Variants in SLC7A14 observed in about 807,000 individuals in gnomAD.
SLC7A14 encodes solute carrier family 7 member 14, also known as gamma-aminobutyric acid transporter SLC7A14.
Under a neutral mutation model 60.2 loss-of-function variants are expected in SLC7A14, and 37 were observed. That is an observed-to-expected ratio of 0.61 (90% CI 0.47 to 0.81). The LOEUF is 0.81. SLC7A14 is among the 30% of genes least tolerant of loss of function. SLC7A14 has a pLI of 0.00. For missense variants in SLC7A14, 886 were observed against 982.7 expected (o/e 0.90, Z 1.32); for synonymous variants, 399 against 395.8 (o/e 1.01, Z -0.10).
chr3:170,531,419 T>A (rs1713677306), intron 1 of SLC7A14, among the ~76,000 whole-genome samples: 1 of 151,862 alleles, frequency 6.6e-6, no homozygotes, highest in South Asian at 2.1e-4. Context: ...AAGTGATGGC[T>A]TCTATTTGCA....
chr3:170,486,479 G>T, intron 4 of SLC7A14, 111 bp from the exon 5 acceptor site: 1 of 1,366,336 alleles, frequency 7.3e-7, no homozygotes. Context: ...AGTGGCTGAG[G>T]GAGTAACATG....
chr3:170,488,129 C>A (rs551064869), intron 4 of SLC7A14, among the ~76,000 whole-genome samples: 1 of 152,060 alleles, frequency 6.6e-6, no homozygotes, highest in South Asian at 2.1e-4. Flanking sequence ...CCTTTGAATT[C>A]GTGTGTAATT....
chr3:170,467,447 C>G, intron 7 of SLC7A14, 70 bp from the exon 8 acceptor site: 1 of 974,772 alleles, frequency 1.0e-6, no homozygotes, highest in South Asian at 3.0e-5. Context: ...GCAGAGAGAT[C>G]ACCTTCAGTG....
chr3:170,482,638 T>C (rs958031771), intron 6 of SLC7A14, among the ~76,000 whole-genome samples: 1 of 152,152 alleles, frequency 6.6e-6, no homozygotes, highest in African/African-American at 2.4e-5. Context: ...TGCCAATATA[T>C]TGGTGTGGTT....
intron 1 of SLC7A14, among the ~76,000 whole-genome samples, chr3:170,575,886 A>G (rs769103888): frequency 3.9e-5 from 6 of 152,208 alleles, no homozygotes. Flanking sequence ...TCCCTGTTCA[A>G]AGGATAAGCC....
rs1261207133 is a variant in SLC7A14, at chr3:170,532,666, C to T, written c.-152-5578G>A. ...GCATCACCCTGCTGTGGCCCCTGAC[C>T]AGGTGTTTTTTTTTTTTTGTTGTTG... On this transcript the variant is annotated intron_variant, in intron 1 of 7. Transcript: ENST00000231706. This position sits in a 1 kb window ranked among gnomAD's most constrained non-coding sequence, Gnocchi z 4.0. Among the ~76,000 whole-genome samples, 1 of 151,244 alleles carries T rather than the reference C, an allele frequency of 6.6e-6. No individual in the cohort carries two copies. The highest frequency in any genetic ancestry group is 1.5e-5 in the Non-Finnish European group (1 of 67,972).
At chr3:170,552,151 C>A (rs908176037) in intron 1 of SLC7A14, among the ~76,000 whole-genome samples, 1 of 151,994 alleles carries the variant, frequency 6.6e-6, no homozygotes, top group Non-Finnish European at 1.5e-5. Flanking sequence ...GGACTCAGCA[C>A]CATTTGTTGA....
Position 170,466,024 on chromosome 3 carries a change from A to G in SLC7A14, c.*1031T>C, listed in dbSNP as rs1393475097. ...GTGATCTCATGGAATGCAACTACCT[A>G]AGTCGCTATACTTCAGCCTATTTTG... On this transcript the variant is annotated 3_prime_UTR_variant, in exon 8 of 8. Coordinates refer to ENST00000231706, the MANE Select transcript of SLC7A14 (RefSeq NM_020949.3). The G allele has an allele frequency of 1.3e-5, 2 of 152,216 alleles. No homozygotes were observed. Among genetic ancestry groups the G allele is most frequent in the Non-Finnish European group, 2.9e-5 (2 of 68,048 alleles). The allele number at this position is 152,216 out of a possible 1,614,324, so 9.4% of individuals were successfully genotyped here. A position where few individuals can be genotyped will look rare whatever the true frequency, so the allele number is the denominator to read the frequency against.
intron 2 of SLC7A14, among the ~76,000 whole-genome samples, chr3:170,505,017 C>T (rs758454556): frequency 6.6e-6 from 1 of 152,100 alleles, no homozygotes; most frequent in Non-Finnish European, 1.5e-5. Context: ...CTGCTGATGG[C>T]CCCAGTGGAC....
chr3:170,493,105 A>G (rs1478129842), intron 4 of SLC7A14, among the ~76,000 whole-genome samples: 1 of 152,248 alleles, frequency 6.6e-6, no homozygotes, highest in Non-Finnish European at 1.5e-5. Flanking sequence ...AAGAAAAACT[A>G]TAAGATAGTA....
At chr3:170,558,357 C>T (rs1255691835) in intron 1 of SLC7A14, among the ~76,000 whole-genome samples, 3 of 152,166 alleles carry the variant, frequency 2.0e-5, no homozygotes, top group Non-Finnish European at 4.4e-5. Context: ...GCACTCCAGC[C>T]TGGGTGACAG....
intron 1 of SLC7A14, chr3:170,570,344 A>T (rs565744134): frequency 1.3e-5 from 2 of 152,290 alleles, no homozygotes; most frequent in African/African-American, 4.8e-5. Context: ...GCTAGTCCGG[A>T]GGCTGAGGTG....
At chr3:170,561,732 A>G (rs1375191082) in intron 1 of SLC7A14, among the ~76,000 whole-genome samples, 6 of 152,214 alleles carry the variant, frequency 3.9e-5, no homozygotes, top group African/African-American at 1.2e-4. Flanking sequence ...AATCTTCACA[A>G]TCTATACACC....
chr3:170,491,877 A>G (rs1405669624), intron 4 of SLC7A14, among the ~76,000 whole-genome samples: 1 of 152,232 alleles, frequency 6.6e-6, no homozygotes, highest in Non-Finnish European at 1.5e-5. Context: ...CAAATGGAGA[A>G]GAAAGACCAA....
At chr3:170,544,046 G>A (rs1020957007) in intron 1 of SLC7A14, among the ~76,000 whole-genome samples, 3 of 151,944 alleles carry the variant, frequency 2.0e-5, no homozygotes, top group Non-Finnish European at 4.4e-5. Flanking sequence ...CCACACCCGG[G>A]CCTGCATTTT....
At chr3:170,549,238 CG>C (rs1560277261) in intron 1 of SLC7A14, among the ~76,000 whole-genome samples, 2 of 124,882 alleles carry the variant, frequency 1.6e-5, no homozygotes, top group African/African-American at 6.9e-5. Context: ...TTTTTTGAGA[CG>C]GAGTCTTGCT....
chr3:170,526,439 A>T (rs1234445413), intron 2 of SLC7A14, among the ~76,000 whole-genome samples, 194 bp downstream of exon 2: 2 of 152,126 alleles, frequency 1.3e-5, no homozygotes, highest in Admixed American at 6.5e-5. Flanking sequence ...AAGAAAAAAA[A>T]AAAAGGAAGC....
At chr3:170,583,933 G>A (rs1388276931) in intron 1 of SLC7A14, among the ~76,000 whole-genome samples, 1 of 152,152 alleles carries the variant, frequency 6.6e-6, no homozygotes, top group Admixed American at 6.5e-5. Context: ...TCCCTCCTTT[G>A]TCATTCTCCT....
At chr3:170,583,686 A>C (rs193201692) in intron 1 of SLC7A14, among the ~76,000 whole-genome samples, 2 of 152,270 alleles carry the variant, frequency 1.3e-5, no homozygotes, top group Non-Finnish European at 2.9e-5. Context: ...ATGAAAGTAC[A>C]TGTGGACTCT....
Sources: gnomAD v4.1 joint callset for allele counts (sites outside exome capture counted in the v4.1 genomes callset) on GRCh38, gnomAD v4.1.1 for gene constraint, Gnocchi (gnomAD v3.1) non-coding constraint, MANE v1.5 for transcripts, NCBI Gene and HGNC (gene_info 2026-07-23, HGNC 2026-07-21) for gene names.